The following PIEZO2 variants were observed in gnomAD, a reference collection of about 807,000 sequenced individuals.
The protein encoded by PIEZO2 is piezo type mechanosensitive ion channel component 2.
A neutral mutation model predicts 337.3 loss-of-function variants in PIEZO2; 172 were observed. The ratio of observed to expected loss-of-function variants is 0.51; its 90% CI spans 0.45 to 0.58. PIEZO2 has a LOEUF of 0.58. PIEZO2 is among the 20% of genes least tolerant of loss of function. The probability of loss-of-function intolerance (pLI) is 0.00; values close to 1 mark genes in which losing one functional copy is unlikely to be tolerated. For missense variants in PIEZO2, 3,028 were observed against 3,391.3 expected (o/e 0.89, Z 2.66); for synonymous variants, 1,251 against 1,228.5 (o/e 1.02, Z -0.38).
At chr18:11,081,431 G>C (rs1039298005) in intron 1 of PIEZO2, among the ~76,000 whole-genome samples, 1 of 152,172 alleles carries the variant, frequency 6.6e-6, no homozygotes, top group African/African-American at 2.4e-5. Flanking sequence ...CAAGTCCATT[G>C]ATATCCTAAG....
intron 7 of PIEZO2, among the ~76,000 whole-genome samples, chr18:10,835,344 A>G (rs1045276260): frequency 4.0e-5 from 6 of 151,644 alleles, no homozygotes; most frequent in Non-Finnish European, 7.4e-5. Context: ...TATTTAGAAT[A>G]CTGAACAAGA....
intron 1 of PIEZO2, among the ~76,000 whole-genome samples, chr18:11,138,182 C>T (rs2146268989): frequency 6.6e-6 from 1 of 152,304 alleles, no homozygotes; most frequent in East Asian, 1.9e-4. Context: ...TTCAGTGTTC[C>T]TGTGTGTTAT....
chr18:10,747,016 TA>T (rs1335600394), intron 30 of PIEZO2, among the ~76,000 whole-genome samples: 5 of 152,230 alleles, frequency 3.3e-5, no homozygotes. Context: ...CACCTCTTTG[TA>T]ACAGAGTTGG....
intron 7 of PIEZO2, among the ~76,000 whole-genome samples, chr18:10,822,057 T>C (rs1325397524): frequency 6.6e-6 from 1 of 152,264 alleles, no homozygotes; most frequent in African/African-American, 2.4e-5. Context: ...TTTGTACTAA[T>C]ACATTTGTAA....
Position 11,097,537 on chromosome 18 carries a change from C to T in PIEZO2, c.65-31315G>A, listed in dbSNP as rs963742452. 4.6e-5 allele frequency among the ~76,000 whole-genome samples: 7 copies of T among 152,330 alleles called. 1 individual carries two copies. The South Asian group carries it at 1.2e-3, about 27-fold the overall frequency. On this transcript the variant is annotated intron_variant, in intron 1 of 55. Coordinates refer to ENST00000674853, the MANE Select transcript of PIEZO2 (RefSeq NM_001378183.1). The surrounding 1 kb of genome is among the most constrained non-coding windows in gnomAD (Gnocchi z 5.0). ...CAGAAAACACAGGGCCTGGCCATAA[C>T]TGCTTCACAGTTTGAAGACAGCAAA...
At chr18:10,913,571 C>G (rs1401861720) in intron 3 of PIEZO2, among the ~76,000 whole-genome samples, 1 of 151,974 alleles carries the variant, frequency 6.6e-6, no homozygotes, top group East Asian at 1.9e-4. Flanking sequence ...TTAATAGGTT[C>G]CATTTATTAT....
At chr18:10,688,823 C>A (rs570460980) in intron 49 of PIEZO2, among the ~76,000 whole-genome samples, 18 of 152,228 alleles carry the variant, frequency 1.2e-4, no homozygotes, top group African/African-American at 4.1e-4. Flanking sequence ...AATGTTCCTT[C>A]GATAGAGAGG....
Position 10,953,518 on chromosome 18 carries a change from TATCTCTATGG to T in PIEZO2, c.286+26007_286+26016del, listed in dbSNP as rs1167977126. Among the ~76,000 whole-genome samples the T allele has an allele frequency of 6.6e-6, 1 of 152,202 alleles. No individual in the cohort carries two copies. Among genetic ancestry groups the T allele is most frequent in the African/African-American group, 2.4e-5 (1 of 41,438 alleles). On this transcript the variant is annotated intron_variant, in intron 3 of 55. Transcript: ENST00000674853. The surrounding 1 kb of genome is among the most constrained non-coding windows in gnomAD (Gnocchi z 5.2). ...TTCTTTCTTCACAAAATTGAATTTG[TATCTCTATGG>T]AAAATCAAGTGGCCGTGCACATACA...
chr18:10,723,205 G>A (rs1439025374), intron 36 of PIEZO2, among the ~76,000 whole-genome samples: 2 of 152,006 alleles, frequency 1.3e-5, no homozygotes, highest in African/African-American at 4.8e-5. Flanking sequence ...GACCTCAGGT[G>A]ATCCGCCCAC....
At chr18:11,098,847 C>T (rs551064459) in intron 1 of PIEZO2, among the ~76,000 whole-genome samples, 35 of 152,104 alleles carry the variant, frequency 2.3e-4, no homozygotes, top group African/African-American at 8.0e-4. Flanking sequence ...ACCCAGGCTG[C>T]AGTGCATTGG....
intron 3 of PIEZO2, among the ~76,000 whole-genome samples, chr18:10,968,757 C>T (rs550334180): frequency 6.6e-6 from 1 of 152,228 alleles, no homozygotes; most frequent in East Asian, 1.9e-4. Flanking sequence ...CATTATAATA[C>T]TTTTACATTA....
intron 7 of PIEZO2, among the ~76,000 whole-genome samples, chr18:10,836,682 T>C (rs1429267090): frequency 6.6e-6 from 1 of 152,224 alleles, no homozygotes; most frequent in Non-Finnish European, 1.5e-5. Flanking sequence ...TATGACAATG[T>C]ATAACATAAA....
chr18:10,923,932 AC>A (rs1364559687), intron 3 of PIEZO2, among the ~76,000 whole-genome samples: 9 of 152,112 alleles, frequency 5.9e-5, no homozygotes, highest in Admixed American at 5.2e-4. Context: ...AGGTCAACAC[AC>A]TCTTCCCATA....
rs1168201332 is a variant in PIEZO2 at position 10,966,161 on chromosome 18, T to C, written c.286+13374A>G. On this transcript the variant is annotated intron_variant, in intron 3 of 55. Coordinates refer to ENST00000674853, the MANE Select transcript of PIEZO2 (RefSeq NM_001378183.1). ...CATCACGCTGGAATTCATCAGCTCC[T>C]GTTTCAGGAAGGTATAGTCCTTCAC... 2.6e-5 allele frequency among the ~76,000 whole-genome samples: 4 copies of C among 152,348 alleles called. No homozygotes were observed. The East Asian group carries it at 5.8e-4, about 22-fold the overall frequency.
At chr18:10,983,959 A>G (rs1472467959) in intron 2 of PIEZO2, among the ~76,000 whole-genome samples, 2 of 152,100 alleles carry the variant, frequency 1.3e-5, no homozygotes, top group African/African-American at 2.4e-5. Flanking sequence ...CAATCCTAAG[A>G]TTTCTTTCTT....
rs2038417696 is a variant in PIEZO2, at chr18:10,767,584, C to T, written c.2946+2564G>A. Among the ~76,000 whole-genome samples, 1 of 152,148 alleles carries T rather than the reference C, an allele frequency of 6.6e-6. No homozygotes were observed. Among genetic ancestry groups the T allele is most frequent in the South Asian group, 2.1e-4 (1 of 4,824 alleles). On this transcript the variant is annotated intron_variant, in intron 21 of 55. Transcript: ENST00000674853. This position sits in a 1 kb window ranked among gnomAD's most constrained non-coding sequence, Gnocchi z 4.2. Reference sequence around the variant, plus strand: ...AATGACTCGGAGCCCGATGCGTGAACCCTGGAGCTTGGGCACTGGTACCCA... The same window carrying T: ...AATGACTCGGAGCCCGATGCGTGAATCCTGGAGCTTGGGCACTGGTACCCA...
intron 1 of PIEZO2, among the ~76,000 whole-genome samples, chr18:11,082,093 A>G (rs1290311842): frequency 6.6e-6 from 1 of 152,078 alleles, no homozygotes; most frequent in Non-Finnish European, 1.5e-5. Flanking sequence ...TCCTGCAGAC[A>G]AAAATGGGGA....
chr18:10,959,639 C>T (rs892479055), intron 3 of PIEZO2, among the ~76,000 whole-genome samples: 2 of 152,106 alleles, frequency 1.3e-5, no homozygotes, highest in African/African-American at 4.8e-5. Flanking sequence ...TCATATGCTC[C>T]ATTACCTACC....
At chr18:10,749,116 C>T (rs1276659228) in intron 29 of PIEZO2, among the ~76,000 whole-genome samples, 1 of 151,846 alleles carries the variant, frequency 6.6e-6, no homozygotes, top group Admixed American at 6.6e-5. Context: ...AGTGAGGCTT[C>T]GGCAAAATAT....
Sources: gnomAD v4.1 joint callset for allele counts (sites outside exome capture counted in the v4.1 genomes callset) on GRCh38, gnomAD v4.1.1 for gene constraint, Gnocchi (gnomAD v3.1) non-coding constraint, MANE v1.5 for transcripts, NCBI Gene and HGNC (gene_info 2026-07-23, HGNC 2026-07-21) for gene names.